The following TMEM131 variants were observed in gnomAD, a reference collection of about 807,000 sequenced individuals.
TMEM131 encodes the protein transmembrane protein 131, also known as 2610524E03Rik.
Under a neutral mutation model 211.6 loss-of-function variants are expected in TMEM131, and 66 were observed. The observed-to-expected ratio is 0.31, with a 90% CI of 0.26 to 0.38. The LOEUF is 0.38. Among genes scored for constraint, TMEM131 ranks in the 10% least tolerant of loss-of-function variants. The pLI is 1.00. For missense variants in TMEM131, 2,036 were observed against 2,299.3 expected (o/e 0.89, Z 2.34); for synonymous variants, 844 against 841.3 (o/e 1.00, Z -0.06).
At chr2:97,809,236 T>G (rs1449890376) in intron 19 of TMEM131, among the ~76,000 whole-genome samples, 2 of 152,228 alleles carry the variant, frequency 1.3e-5, no homozygotes, top group Non-Finnish European at 2.9e-5. Context: ...CTTTTCTCAA[T>G]TCTTGCCAAA....
intron 30 of TMEM131, 36 bp downstream of exon 30, chr2:97,793,359 T>C (rs752698064): frequency 1.3e-6 from 2 of 1,573,976 alleles, no homozygotes; most frequent in Non-Finnish European, 1.7e-6. Flanking sequence ...CAAATCTATG[T>C]ACACTAGGGA....
chr2:97,793,026 C>G (rs760034392), intron 30 of TMEM131, 42 bp from the exon 31 acceptor site: 11 of 1,350,968 alleles, frequency 8.1e-6, no homozygotes, highest in Non-Finnish European at 1.1e-5. Context: ...TAGCAACCTA[C>G]AAAATCTAAT....
At chr2:97,888,620 G>C (rs191616005) in intron 3 of TMEM131, among the ~76,000 whole-genome samples, 1 of 152,324 alleles carries the variant, frequency 6.6e-6, no homozygotes, top group East Asian at 1.9e-4. Context: ...GAATACACTA[G>C]AACTGATCTC....
intron 19 of TMEM131, among the ~76,000 whole-genome samples, chr2:97,809,233 C>T (rs1006696649): frequency 6.6e-6 from 1 of 152,166 alleles, no homozygotes; most frequent in Non-Finnish European, 1.5e-5. Flanking sequence ...AAACTTTTCT[C>T]AATTCTTGCC....
At chr2:97,970,382 T>C (rs1464695562) in intron 1 of TMEM131, among the ~76,000 whole-genome samples, 2 of 152,010 alleles carry the variant, frequency 1.3e-5, no homozygotes, top group African/African-American at 4.8e-5. Context: ...AAAGAAACAG[T>C]ACAGAGAGAG....
chr2:97,874,952 A>G lies in TMEM131; in HGVS notation c.359+13100T>C, dbSNP rs557106758. On this transcript the variant is annotated intron_variant, in intron 4 of 40. Transcript: ENST00000186436. ...ACTGAAAAAAGAGTCAAGACCCATC[A>G]GTGTGCTGTACTCAGGAGACTCATC... Among the ~76,000 whole-genome samples, 7 of 152,322 alleles carry G rather than the reference A, an allele frequency of 4.6e-5. No individual in the cohort carries two copies. In the East Asian group the frequency reaches 1.3e-3, roughly 29 times the overall value.
chr2:97,928,874 T>C (rs1057370940), intron 1 of TMEM131, among the ~76,000 whole-genome samples: 2 of 151,796 alleles, frequency 1.3e-5, no homozygotes, highest in Non-Finnish European at 2.9e-5. Context: ...GAGTCAGTGA[T>C]ATCAGTAAGA....
Position 97,809,756 on chromosome 2 carries a change from T to C in TMEM131, c.1987A>G (p.Lys663Glu). 1 of 1,605,508 alleles carries C rather than the reference T, an allele frequency of 6.2e-7. No individual in the cohort carries two copies. Among genetic ancestry groups the C allele is most frequent in the Non-Finnish European group, 8.5e-7 (1 of 1,175,848 alleles). Residue 663 changes from lysine (K) to glutamate (E), a missense_variant, in exon 19 of 41, where the codon AAG becomes GAG. By Grantham distance (56) the Lys-to-Glu change is moderately conservative. Around this residue, in one of 3 missense-constraint regions of TMEM131, gnomAD observed 1,623 missense variants for 1,805.9 expected, o/e 0.90. Transcript: ENST00000186436. ...TDYEILTIPV[K>E]AVIAVGSLTC... ...AGTGAGCCTACTGCAATCACAGCCT[T>C]CACAGGGATTGTCAGGATCTGTGAA...
At chr2:97,878,735 G>A (rs13405546) in intron 4 of TMEM131, among the ~76,000 whole-genome samples, 115,736 of 152,088 alleles carry the variant, frequency 0.76, 45,702 homozygotes, top group African/African-American at 0.88. Context: ...ATTAGGAGAA[G>A]TACCTAACGT....
intron 1 of TMEM131, among the ~76,000 whole-genome samples, chr2:97,969,483 T>A (rs1005685749): frequency 6.6e-6 from 1 of 152,216 alleles, no homozygotes; most frequent in Admixed American, 6.5e-5. Context: ...GTATTATTTA[T>A]GTTTTCCAAA....
intron 1 of TMEM131, among the ~76,000 whole-genome samples, chr2:97,965,507 AT>A (rs1316646940): frequency 4.6e-5 from 7 of 152,134 alleles, no homozygotes; most frequent in South Asian, 4.1e-4. Context: ...TTTCTCCAAC[AT>A]TTTTAAAACA....
intron 31 of TMEM131, among the ~76,000 whole-genome samples, chr2:97,781,961 C>T (rs1429306399): frequency 1.3e-5 from 2 of 152,232 alleles, no homozygotes; most frequent in Non-Finnish European, 2.9e-5. Flanking sequence ...CCAACAAAGG[C>T]CAAAGTGGGA....
chr2:97,917,545 T>G (rs1559446243), intron 2 of TMEM131, among the ~76,000 whole-genome samples: 1 of 152,134 alleles, frequency 6.6e-6, no homozygotes, highest in Non-Finnish European at 1.5e-5. Flanking sequence ...CAAGACTGGG[T>G]AATTAATTCA....
At chr2:97,972,148 C>T (rs966012611) in intron 1 of TMEM131, among the ~76,000 whole-genome samples, 1 of 152,140 alleles carries the variant, frequency 6.6e-6, no homozygotes, top group African/African-American at 2.4e-5. Flanking sequence ...GTGAAGGCTG[C>T]AGTGAGCCGA....
At chr2:97,959,818 C>G (rs1309511532) in intron 1 of TMEM131, among the ~76,000 whole-genome samples, 1 of 152,128 alleles carries the variant, frequency 6.6e-6, no homozygotes, top group Non-Finnish European at 1.5e-5. Flanking sequence ...AATCAAGGAT[C>G]ATGCATTACA....
At chr2:97,993,795 T>C (rs1680364793) in intron 1 of TMEM131, among the ~76,000 whole-genome samples, 1 of 152,250 alleles carries the variant, frequency 6.6e-6, no homozygotes, top group Admixed American at 6.5e-5. Context: ...TTAGCAAATA[T>C]ATTTTAGGCT....
At position 97,995,747 on chromosome 2, in the gene TMEM131, G is replaced by C; in HGVS notation, c.-85C>G. 9.6e-7 allele frequency: 1 copy of C among 1,041,472 alleles called. No homozygotes were observed. The highest frequency in any genetic ancestry group is 1.2e-6 in the Non-Finnish European group (1 of 841,892). The allele number at this position is 1,041,472 out of a possible 1,614,324, so 64.5% of individuals were successfully genotyped here. A position where few individuals can be genotyped will look rare whatever the true frequency, so the allele number is the denominator to read the frequency against. On this transcript the variant is annotated 5_prime_UTR_variant, in exon 1 of 41. Transcript: ENST00000186436. The stretch of plus-strand genomic sequence containing the variant: ...CGGCGGCGCGGAAGCCGTGGTCCGG[G>C]CTCTGGCCGCGGCGCCGGGAGCGAC...
chr2:97,757,866 T>C (rs1213604547), intron 40 of TMEM131, among the ~76,000 whole-genome samples: 1 of 152,216 alleles, frequency 6.6e-6, no homozygotes, highest in African/African-American at 2.4e-5. Context: ...TGACTCTTTA[T>C]AGAAAGTTTG....
intron 2 of TMEM131, among the ~76,000 whole-genome samples, chr2:97,915,975 G>A (rs555075812): frequency 6.6e-6 from 1 of 152,200 alleles, no homozygotes; most frequent in African/African-American, 2.4e-5. Flanking sequence ...ATGCAGTGGA[G>A]TGATCTCAAC....
Sources: gnomAD v4.1 joint callset for allele counts (sites outside exome capture counted in the v4.1 genomes callset) on GRCh38, gnomAD v4.1.1 for gene constraint, gnomAD v4.1.1 regional missense constraint, MANE v1.5 for transcripts, NCBI Gene and HGNC (gene_info 2026-07-23, HGNC 2026-07-21) for gene names.